Variants in TRPC4 observed in about 807,000 individuals in gnomAD.
The protein encoded by TRPC4 is transient receptor potential cation channel subfamily C member 4, also known as short transient receptor potential channel 4.
A neutral mutation model predicts 99.4 loss-of-function variants in TRPC4; 49 were observed. That is an observed-to-expected ratio of 0.49 (90% CI 0.39 to 0.63). The LOEUF is 0.63. Ranked by LOEUF, TRPC4 falls within the 20% of genes least tolerant of loss-of-function variation. The pLI is 0.00. For synonymous variants in TRPC4, 454 were observed against 425.9 expected (o/e 1.07, Z -0.81); for missense variants, 898 against 1,152.9 (o/e 0.78, Z 3.20).
chr13:37,740,411 T>C (rs186564801), intron 3 of TRPC4, among the ~76,000 whole-genome samples: 1 of 152,324 alleles, frequency 6.6e-6, no homozygotes, highest in East Asian at 1.9e-4. Flanking sequence ...TATTGCCTTT[T>C]TCAAATAACA....
intron 3 of TRPC4, among the ~76,000 whole-genome samples, chr13:37,707,318 T>C (rs923948459): frequency 6.6e-6 from 1 of 152,186 alleles, no homozygotes; most frequent in African/African-American, 2.4e-5. Flanking sequence ...GCAACTTGTA[T>C]GTTTTGAGTA....
chr13:37,706,059 C>T (rs1401935152), intron 3 of TRPC4, among the ~76,000 whole-genome samples: 1 of 152,112 alleles, frequency 6.6e-6, no homozygotes, highest in African/African-American at 2.4e-5. Flanking sequence ...ACAATTGCAC[C>T]TATCCCCTAT....
intron 8 of TRPC4, among the ~76,000 whole-genome samples, chr13:37,642,146 T>A (rs1951733683): frequency 6.6e-6 from 1 of 152,114 alleles, no homozygotes; most frequent in Non-Finnish European, 1.5e-5. Flanking sequence ...TGCATGTAAG[T>A]GATAGAGTAA....
At chr13:37,663,140 C>T (rs1033759867) in intron 6 of TRPC4, among the ~76,000 whole-genome samples, 1 of 152,120 alleles carries the variant, frequency 6.6e-6, no homozygotes, top group African/African-American at 2.4e-5. Context: ...TTAAATTCTA[C>T]ATCAAAAAAA....
chr13:37,728,941 T>C (rs1032146659), intron 3 of TRPC4, among the ~76,000 whole-genome samples: 1 of 152,074 alleles, frequency 6.6e-6, no homozygotes, highest in African/African-American at 2.4e-5. Context: ...AAGAAAGTTT[T>C]TTCAACAAAT....
At chr13:37,745,403 T>C (rs1166880846) in intron 3 of TRPC4, among the ~76,000 whole-genome samples, 1 of 146,812 alleles carries the variant, frequency 6.8e-6, no homozygotes, top group East Asian at 2.0e-4. Flanking sequence ...AACCTGCAGA[T>C]ACAGAAGGCT....
At chr13:37,736,496 GT>G (rs1304570131) in intron 3 of TRPC4, among the ~76,000 whole-genome samples, 6 of 152,172 alleles carry the variant, frequency 3.9e-5, no homozygotes, top group African/African-American at 1.4e-4. Flanking sequence ...TAGCAGTCAG[GT>G]TCAAAGGGCA....
At chr13:37,728,557 C>A (rs1034980093) in intron 3 of TRPC4, among the ~76,000 whole-genome samples, 1 of 151,928 alleles carries the variant, frequency 6.6e-6, no homozygotes, top group Non-Finnish European at 1.5e-5. Flanking sequence ...TGAAAGATGT[C>A]CCACATTCAT....
At chr13:37,693,625 A>C (rs1335763886) in intron 3 of TRPC4, among the ~76,000 whole-genome samples, 1 of 152,168 alleles carries the variant, frequency 6.6e-6, no homozygotes, top group Non-Finnish European at 1.5e-5. Context: ...CAGTCTCTGG[A>C]TATGCAGAAA....
intron 1 of TRPC4, among the ~76,000 whole-genome samples, chr13:37,847,969 G>C (rs1958950955): frequency 6.6e-6 from 1 of 152,116 alleles, no homozygotes; most frequent in Non-Finnish European, 1.5e-5. Flanking sequence ...TTGCACATAA[G>C]AGTGATTATA....
At chr13:37,868,362 A>G (rs566826704) in intron 1 of TRPC4, among the ~76,000 whole-genome samples, 1 of 152,230 alleles carries the variant, frequency 6.6e-6, no homozygotes, top group South Asian at 2.1e-4. Context: ...ATAAGAAAGT[A>G]GGCGCTACAA....
chr13:37,832,530 C>T (rs1381861806), intron 1 of TRPC4, among the ~76,000 whole-genome samples: 2 of 152,032 alleles, frequency 1.3e-5, no homozygotes, highest in Non-Finnish European at 2.9e-5. Context: ...CAGAGCAAGA[C>T]TCCGTCAAAA....
At chr13:37,806,714 G>A (rs1454291122) in intron 1 of TRPC4, among the ~76,000 whole-genome samples, 4 of 152,062 alleles carry the variant, frequency 2.6e-5, no homozygotes, top group African/African-American at 9.7e-5. Flanking sequence ...GTTAGGTTGA[G>A]TAGTCTTCGA....
intron 3 of TRPC4, among the ~76,000 whole-genome samples, chr13:37,723,024 A>C (rs1954927135): frequency 6.6e-6 from 1 of 152,186 alleles, no homozygotes; most frequent in African/African-American, 2.4e-5. Flanking sequence ...GAGCTACGAC[A>C]CTGAGTTAGT....
intron 6 of TRPC4, among the ~76,000 whole-genome samples, chr13:37,660,238 A>T (rs957120616): frequency 6.6e-6 from 1 of 152,182 alleles, no homozygotes; most frequent in African/African-American, 2.4e-5. Context: ...TAAGATTTGA[A>T]GTGAAAAAGG....
intron 1 of TRPC4, among the ~76,000 whole-genome samples, chr13:37,848,989 G>A (rs914192940): frequency 6.6e-6 from 1 of 152,130 alleles, no homozygotes; most frequent in Non-Finnish European, 1.5e-5. Context: ...GTACCCTACA[G>A]CTGTTAAGCA....
At chr13:37,682,922 C>CTTTTTT (rs35740848) in intron 4 of TRPC4, among the ~76,000 whole-genome samples, 2 of 109,342 alleles carry the variant, frequency 1.8e-5, no homozygotes, top group African/African-American at 6.9e-5. Context: ...GCCCAGCTAT[C>CTTTTTT]TTTTTTTTTT....
At chr13:37,754,337 C>T (rs987149422) in intron 2 of TRPC4, among the ~76,000 whole-genome samples, 1 of 152,100 alleles carries the variant, frequency 6.6e-6, no homozygotes, top group African/African-American at 2.4e-5. Flanking sequence ...TGTAGGCACT[C>T]AATAACTACT....
intron 1 of TRPC4, among the ~76,000 whole-genome samples, chr13:37,792,428 G>A (rs1300741010): frequency 6.6e-6 from 1 of 152,044 alleles, no homozygotes; most frequent in Non-Finnish European, 1.5e-5. Flanking sequence ...GTAAAAACAA[G>A]AACGCGTGCA....
Sources: gnomAD v4.1 joint callset for allele counts (sites outside exome capture counted in the v4.1 genomes callset) on GRCh38, gnomAD v4.1.1 for gene constraint, MANE v1.5 for transcripts, NCBI Gene and HGNC (gene_info 2026-07-23, HGNC 2026-07-21) for gene names.